COL5A2: variants seen among roughly 807,000 people sequenced by gnomAD.
COL5A2 encodes the protein collagen alpha-2(V) chain.
COL5A2 carries 23 observed loss-of-function variants against 208.2 expected under a neutral mutation model. That is an observed-to-expected ratio of 0.11 (90% CI 0.08 to 0.16). COL5A2 has a LOEUF of 0.16. Ranked by LOEUF, COL5A2 falls within the 10% of genes least tolerant of loss-of-function variation. The probability of loss-of-function intolerance (pLI) is 1.00; values close to 1 mark genes in which losing one functional copy is unlikely to be tolerated. For synonymous variants in COL5A2, 625 were observed against 628.5 expected, an observed-to-expected ratio of 0.99 and a Z score of 0.08; for missense variants, 1,590 against 1,956.4, an observed-to-expected ratio of 0.81 and a Z score of 3.53.
chr2:189,419,617 C>G, the COL5A2 span, among the ~76,000 whole-genome samples: 1 of 151,596 alleles, frequency 6.6e-6, no homozygotes, highest in African/African-American at 2.4e-5. Context: ...AGAGAAAGAC[C>G]CCATGTCCAC....
chr2:189,366,717 T>G, the COL5A2 span, among the ~76,000 whole-genome samples: 6 of 152,336 alleles, frequency 3.9e-5, no homozygotes, highest in East Asian at 1.2e-3. Context: ...ACTACCTCTC[T>G]TTATGGCAAG....
chr2:189,277,885 T>G, the COL5A2 span, among the ~76,000 whole-genome samples: 1 of 152,088 alleles, frequency 6.6e-6, no homozygotes, highest in Admixed American at 6.6e-5. Context: ...GACTTTCTTT[T>G]CCCTTCAGGA....
At chr2:189,176,090 A>G (rs977311652) in intron 1 of COL5A2, among the ~76,000 whole-genome samples, 1 of 152,130 alleles carries the variant, frequency 6.6e-6, no homozygotes, top group Non-Finnish European at 1.5e-5. Flanking sequence ...TGATTTTTGT[A>G]TCGTAACAAT....
chr2:189,224,193 T>C (rs1347351357), intron 1 of COL5A2, among the ~76,000 whole-genome samples: 9 of 151,508 alleles, frequency 5.9e-5, no homozygotes, highest in Non-Finnish European at 1.2e-4. Flanking sequence ...TCTTCTCCAA[T>C]GAGCAAAATG....
At chr2:189,083,131 T>C (rs1686573362) in intron 12 of COL5A2, among the ~76,000 whole-genome samples, 1 of 152,120 alleles carries the variant, frequency 6.6e-6, no homozygotes, top group Non-Finnish European at 1.5e-5. Flanking sequence ...ATATAATAAA[T>C]GGGAGAGTGA....
the COL5A2 span, among the ~76,000 whole-genome samples, chr2:189,416,454 C>T: frequency 5.3e-5 from 8 of 152,048 alleles, no homozygotes; most frequent in Admixed American, 6.5e-5. Context: ...AGCAAACTAT[C>T]GCAAGGACAA....
At chr2:189,357,778 A>AAAC in the COL5A2 span, among the ~76,000 whole-genome samples, 23 of 151,206 alleles carry the variant, frequency 1.5e-4, no homozygotes, top group Non-Finnish European at 3.1e-4. Flanking sequence ...AAAAAAAAAA[A>AAAC]AACTCCTGCA....
At chr2:189,266,029 A>C in the COL5A2 span, among the ~76,000 whole-genome samples, 1 of 152,226 alleles carries the variant, frequency 6.6e-6, no homozygotes, top group Admixed American at 6.5e-5. Context: ...CACAATTATT[A>C]ATAATAGCTA....
chr2:189,325,497 C>CACAT, the COL5A2 span, among the ~76,000 whole-genome samples: 2 of 151,448 alleles, frequency 1.3e-5, no homozygotes, highest in African/African-American at 4.9e-5. Flanking sequence ...CACACACACA[C>CACAT]ACATACACAC....
the COL5A2 span, among the ~76,000 whole-genome samples, chr2:189,385,177 T>A: frequency 6.6e-6 from 1 of 151,952 alleles, no homozygotes; most frequent in Non-Finnish European, 1.5e-5. Flanking sequence ...GGCATCCCAA[T>A]AAGAAAAGAA....
At chr2:189,188,912 C>T (rs934507633) in intron 1 of COL5A2, among the ~76,000 whole-genome samples, 14 of 152,158 alleles carry the variant, frequency 9.2e-5, no homozygotes, top group Non-Finnish European at 2.1e-4. Context: ...TTTAGTCCAT[C>T]AGTATTTTGT....
chr2:189,313,063 C>T, the COL5A2 span, among the ~76,000 whole-genome samples: 3 of 151,820 alleles, frequency 2.0e-5, no homozygotes, highest in South Asian at 6.2e-4. Context: ...TTTCATATTG[C>T]AATCACAAGT....
the COL5A2 span, among the ~76,000 whole-genome samples, chr2:189,314,961 C>G: frequency 6.6e-6 from 1 of 151,996 alleles, no homozygotes; most frequent in African/African-American, 2.4e-5. Flanking sequence ...CCAAAAAAAG[C>G]CCAGGACCAG....
At chr2:189,312,418 C>T in the COL5A2 span, among the ~76,000 whole-genome samples, 1 of 152,144 alleles carries the variant, frequency 6.6e-6, no homozygotes, top group African/African-American at 2.4e-5. Context: ...GAACCAGAGC[C>T]CCCAGTGCCT....
intron 14 of COL5A2, 37 bp downstream of exon 14, chr2:189,079,941 C>A (rs1233877776): frequency 6.3e-7 from 1 of 1,575,930 alleles, no homozygotes; most frequent in Non-Finnish European, 8.7e-7. Flanking sequence ...AACTAAGATG[C>A]CAAAGTGAGG....
chr2:189,238,484 T>A, the COL5A2 span, among the ~76,000 whole-genome samples: 1 of 152,184 alleles, frequency 6.6e-6, no homozygotes, highest in Admixed American at 6.5e-5. Context: ...AAATACAATA[T>A]ATTAGTCTGT....
chr2:189,438,301 AAG>A, the COL5A2 span, among the ~76,000 whole-genome samples: 2 of 152,168 alleles, frequency 1.3e-5, no homozygotes, highest in South Asian at 2.1e-4. Flanking sequence ...CTGGGAAAAA[AAG>A]AGTTTGGCAA....
the COL5A2 span, among the ~76,000 whole-genome samples, chr2:189,440,214 A>G: frequency 6.6e-6 from 1 of 152,184 alleles, no homozygotes; most frequent in Non-Finnish European, 1.5e-5. Context: ...ACCTTTGTGA[A>G]TATTGTATTT....
At chr2:189,304,853 T>C in the COL5A2 span, among the ~76,000 whole-genome samples, 3 of 152,302 alleles carry the variant, frequency 2.0e-5, no homozygotes, top group African/African-American at 7.2e-5. Flanking sequence ...AAAAGTATAT[T>C]ATGCCATGCA....
Sources: gnomAD v4.1 joint callset for allele counts (sites outside exome capture counted in the v4.1 genomes callset) on GRCh38, gnomAD v4.1.1 for gene constraint, MANE v1.5 for transcripts, NCBI Gene and HGNC (gene_info 2026-07-23, HGNC 2026-07-21) for gene names.